The following IL10RB variants were observed in gnomAD, a reference collection of about 807,000 sequenced individuals.
The protein encoded by IL10RB is interleukin 10 receptor subunit beta.
Under a neutral mutation model 38.7 loss-of-function variants are expected in IL10RB, and 30 were observed. The observed-to-expected ratio is 0.78, with a 90% CI of 0.58 to 1.05. IL10RB has a LOEUF of 1.05. Ranked by LOEUF, IL10RB falls within the 50% of genes least tolerant of loss-of-function variation. IL10RB has a pLI of 0.00. For missense variants in IL10RB, 328 were observed against 397.1 expected, an observed-to-expected ratio of 0.83 and a Z score of 1.48; for synonymous variants, 142 against 145.9, an observed-to-expected ratio of 0.97 and a Z score of 0.19.
intron 2 of IL10RB, among the ~76,000 whole-genome samples, chr21:33,273,676 ACTT>A (rs939512865): frequency 9.2e-5 from 14 of 152,246 alleles, no homozygotes; most frequent in Admixed American, 2.6e-4. Context: ...TCACAGAAGA[ACTT>A]CTTTCAAAAT....
intron 6 of IL10RB, among the ~76,000 whole-genome samples, chr21:33,289,770 C>T (rs1400186812): frequency 6.6e-6 from 1 of 152,120 alleles, no homozygotes; most frequent in Non-Finnish European, 1.5e-5. Context: ...ACTCTGGGAA[C>T]CTTCTAGACC....
intron 1 of IL10RB, 64 bp from the exon 2 acceptor site, chr21:33,268,330 G>A (rs763658493): frequency 2.5e-6 from 4 of 1,610,992 alleles, no homozygotes; most frequent in Non-Finnish European, 1.7e-6. Context: ...GCTGGATGTG[G>A]GCTTTTTCAT....
intron 2 of IL10RB, among the ~76,000 whole-genome samples, chr21:33,268,769 T>G (rs939889053): frequency 2.6e-5 from 4 of 152,220 alleles, no homozygotes; most frequent in African/African-American, 9.7e-5. Context: ...ATACAGACAT[T>G]TTATCATGCG....
At chr21:33,295,381 C>G (rs909454233) in intron 6 of IL10RB, among the ~76,000 whole-genome samples, 1 of 145,352 alleles carries the variant, frequency 6.9e-6, no homozygotes, top group Non-Finnish European at 1.5e-5. Flanking sequence ...AAAAAAAAGT[C>G]CAAAGATTGG....
intron 2 of IL10RB, 124 bp from the exon 3 acceptor site, chr21:33,276,472 G>A (rs1309262601): frequency 2.6e-5 from 20 of 761,396 alleles, no homozygotes; most frequent in Middle Eastern, 3.4e-4. Context: ...TTGAAGACAC[G>A]TATTTCTATG....
At chr21:33,300,334 A>C (rs2082982569), downstream of IL10RB, among the ~76,000 whole-genome samples, 1 of 151,814 alleles carries the variant, frequency 6.6e-6, no homozygotes, top group Non-Finnish European at 1.5e-5. Context: ...CCAGCTACTC[A>C]GGAGGCTGAG....
At chr21:33,282,542 A>G (rs1989298324) in intron 4 of IL10RB, among the ~76,000 whole-genome samples, 1 of 152,184 alleles carries the variant, frequency 6.6e-6, no homozygotes, top group Non-Finnish European at 1.5e-5. Flanking sequence ...TCTCAAAAAA[A>G]ATAATAATTA....
downstream of IL10RB, among the ~76,000 whole-genome samples, chr21:33,300,607 C>G (rs1236508599): frequency 6.6e-6 from 1 of 152,140 alleles, no homozygotes; most frequent in Non-Finnish European, 1.5e-5. Context: ...ATGTTCTGTA[C>G]AGGATATCCA....
chr21:33,271,912 C>T (rs1989088269), intron 2 of IL10RB, among the ~76,000 whole-genome samples: 1 of 151,632 alleles, frequency 6.6e-6, no homozygotes, highest in Non-Finnish European at 1.5e-5. Flanking sequence ...GGCAACATAG[C>T]AGCCTCTTGT....
chr21:33,299,413 A>G (rs1195583478), downstream of IL10RB, among the ~76,000 whole-genome samples: 5 of 152,226 alleles, frequency 3.3e-5, no homozygotes, highest in African/African-American at 1.2e-4. Flanking sequence ...AGCAGAAAAC[A>G]TATGTCCAGT....
intron 5 of IL10RB, among the ~76,000 whole-genome samples, chr21:33,287,531 A>T (rs553864990): frequency 1.1e-4 from 16 of 152,122 alleles, no homozygotes; most frequent in African/African-American, 3.4e-4. Flanking sequence ...GCTAATTTTT[A>T]AAAAATTTTT....
chr21:33,291,000 C>T (rs1481369227), intron 6 of IL10RB, among the ~76,000 whole-genome samples: 1 of 152,196 alleles, frequency 6.6e-6, no homozygotes, highest in Non-Finnish European at 1.5e-5. Context: ...TGTCCCAGGC[C>T]TCTACCCTAA....
chr21:33,269,661 T>C (rs1989039789), intron 2 of IL10RB, among the ~76,000 whole-genome samples: 2 of 151,180 alleles, frequency 1.3e-5, no homozygotes, highest in African/African-American at 4.9e-5. Context: ...ATTTTTTTTT[T>C]TTTTTTTTTT....
rs8178446 is a variant in IL10RB, at chr21:33,268,027, A to G, written c.50-367A>G. ...TCGGGGCACCAGCTGCTTAAGCCCA[A>G]AATGGACATTGACCTCAGCTTTTAT... is the stretch of plus-strand genomic sequence containing the variant. On this transcript the variant is annotated intron_variant, in intron 1 of 6. Transcript: ENST00000290200. 2,246 of 363,356 alleles carry G rather than the reference A, an allele frequency of 6.2e-3. 14 individuals are homozygous for G. The highest frequency in any genetic ancestry group is 9.8e-3 in the Non-Finnish European group (1,888 of 192,296). 22.5% of individuals were successfully genotyped at this position (363,356 alleles called of 1,614,324 possible).
At position 33,288,323 on chromosome 21, in the gene IL10RB, A is replaced by G. The variant is rs75105319; in HGVS notation, c.804+62A>G. ...TTGATCGGAAAGAGCTTTCCTTTCT[A>G]GTTAGGGCTGCCCAATTCCAGACAA... is the stretch of plus-strand genomic sequence containing the variant. On this transcript the variant is annotated intron_variant, in intron 6 of 6. Transcript: ENST00000290200. 2.8e-5 allele frequency: 41 copies of G among 1,463,134 alleles called. No individual in the cohort carries two copies. In the East Asian group the frequency reaches 3.9e-4, roughly 14 times the overall value. 90.6% of individuals were successfully genotyped at this position (1,463,134 alleles called of 1,614,324 possible).
At chr21:33,297,497 A>C (rs899486057), downstream of IL10RB, among the ~76,000 whole-genome samples, 2 of 152,136 alleles carry the variant, frequency 1.3e-5, no homozygotes, top group Non-Finnish European at 1.5e-5. Context: ...GGACAGGCTT[A>C]ACAACAGATT....
At chr21:33,305,155 C>T (rs556699510) in intron 1 of IL10RB, among the ~76,000 whole-genome samples, 3 of 152,264 alleles carry the variant, frequency 2.0e-5, no homozygotes, top group South Asian at 2.1e-4. Context: ...CTCTGTTACC[C>T]AGGCTGGAGT....
At chr21:33,288,388 C>T (rs1989420015) in intron 6 of IL10RB, 127 bp downstream of exon 6, 1 of 703,446 alleles carries the variant, frequency 1.4e-6, no homozygotes, top group Non-Finnish European at 2.6e-6. Flanking sequence ...CGCGCACACA[C>T]ACACACACAC....
intron 2 of IL10RB, 48 bp from the exon 3 acceptor site, chr21:33,276,548 G>A (rs1989174570): frequency 6.5e-7 from 1 of 1,538,092 alleles, no homozygotes; most frequent in South Asian, 1.1e-5. Flanking sequence ...GCCTCAGGGA[G>A]ACTGAAGCCA....
Sources: allele counts gnomAD v4.1 joint callset (sites outside exome capture counted in the v4.1 genomes callset), GRCh38; gene constraint gnomAD v4.1.1; transcripts MANE v1.5; gene names NCBI Gene and HGNC (gene_info 2026-07-23, HGNC 2026-07-21).